The following CPLX2 variants were observed in gnomAD, a reference collection of about 807,000 sequenced individuals.
CPLX2 encodes complexin-2.
A neutral mutation model predicts 16.3 loss-of-function variants in CPLX2; 5 were observed. The ratio of observed to expected loss-of-function variants is 0.31; its 90% CI spans 0.16 to 0.64. The LOEUF (loss-of-function observed/expected upper bound fraction) is 0.64. CPLX2 is among the 30% of genes least tolerant of loss of function. The pLI is 0.79. For missense variants in CPLX2, 144 were observed against 181.4 expected (o/e 0.79, Z 1.18); for synonymous variants, 89 against 73.2 (o/e 1.22, Z -1.10).
intron 2 of CPLX2, among the ~76,000 whole-genome samples, chr5:175,850,511 T>G (rs1759131289): frequency 6.6e-6 from 1 of 152,152 alleles, no homozygotes; most frequent in Admixed American, 6.5e-5. Flanking sequence ...ACACCTGCAC[T>G]TCCTCGGAAC....
chr5:175,859,265 A>G (rs894517261), intron 2 of CPLX2, among the ~76,000 whole-genome samples: 5 of 152,276 alleles, frequency 3.3e-5, no homozygotes, highest in African/African-American at 1.2e-4. Flanking sequence ...TATGCAGTCC[A>G]AACACACTCT....
At chr5:175,804,723 C>T (rs1343602412) in intron 1 of CPLX2, among the ~76,000 whole-genome samples, 1 of 152,148 alleles carries the variant, frequency 6.6e-6, no homozygotes, top group African/African-American at 2.4e-5. Context: ...GATTGACACA[C>T]CCCGGTGATT....
chr5:175,830,441 C>T lies in CPLX2; in HGVS notation c.-89+21373C>T, dbSNP rs532365978. On this transcript the variant is annotated intron_variant, in intron 2 of 4. Coordinates refer to the CPLX2 transcript ENST00000359546. The surrounding 1 kb of genome is among the most constrained non-coding windows in gnomAD (Gnocchi z 4.0). The stretch of plus-strand genomic sequence containing the variant: ...GTCTCCTTCCCCGCCCCCGGAGGTG[C>T]GTGATGCCCCCACAGAGGAGAGTGA... Among the ~76,000 whole-genome samples the T allele has an allele frequency of 3.8e-4, 58 of 152,318 alleles. No individual in the cohort carries two copies. The highest frequency in any genetic ancestry group is 1.8e-4 in the Non-Finnish European group (12 of 68,014).
chr5:175,862,092 A>G (rs1305384003), intron 2 of CPLX2, among the ~76,000 whole-genome samples: 1 of 152,216 alleles, frequency 6.6e-6, no homozygotes, highest in African/African-American at 2.4e-5. Context: ...TGTTTGCTCA[A>G]GCAGTGCCCA....
At chr5:175,875,822 C>T (rs1366114) in intron 1 of CPLX2, among the ~76,000 whole-genome samples, 4,234 of 152,066 alleles carry the variant, frequency 0.028, 197 homozygotes, top group African/African-American at 0.097. Context: ...TGGGCAGACT[C>T]GGGAATTTCA....
intron 2 of CPLX2, among the ~76,000 whole-genome samples, chr5:175,843,643 G>A (rs1010753434): frequency 1.3e-5 from 2 of 152,246 alleles, no homozygotes; most frequent in Non-Finnish European, 2.9e-5. Flanking sequence ...CCTTGGGTCG[G>A]GGAGGCCACT....
At chr5:175,841,954 C>T (rs767293651) in intron 2 of CPLX2, among the ~76,000 whole-genome samples, 1 of 152,256 alleles carries the variant, frequency 6.6e-6, no homozygotes, top group Non-Finnish European at 1.5e-5. Flanking sequence ...GGACCCCACT[C>T]TCCTAGCACT....
chr5:175,815,249 C>G (rs932802410), intron 2 of CPLX2, among the ~76,000 whole-genome samples: 3 of 152,072 alleles, frequency 2.0e-5, no homozygotes, highest in Non-Finnish European at 4.4e-5. Flanking sequence ...GCTGGGGGCC[C>G]TAGGGGAAGG....
At chr5:175,864,252 A>G (rs1181326804) in intron 2 of CPLX2, among the ~76,000 whole-genome samples, 2 of 152,150 alleles carry the variant, frequency 1.3e-5, no homozygotes, top group African/African-American at 4.8e-5. Flanking sequence ...AATTAGTGAG[A>G]TTTAACTCCC....
intron 2 of CPLX2, among the ~76,000 whole-genome samples, chr5:175,828,787 T>C (rs78768079): frequency 0.013 from 1,984 of 152,270 alleles, 39 homozygotes; most frequent in African/African-American, 0.045. Context: ...ACTCAGGCAA[T>C]TTCTGCCCCG....
chr5:175,799,539 C>CATATATATATCTATAT lies in CPLX2; in HGVS notation c.-169+2765_-169+2766insCTATATATATATATAT, dbSNP rs1227041477. 6.9e-5 allele frequency among the ~76,000 whole-genome samples: 5 copies of CATATATATATCTATAT among 72,274 alleles called. 1 individual carries two copies. Among genetic ancestry groups the CATATATATATCTATAT allele is most frequent in the African/African-American group, 2.8e-4 (5 of 17,836 alleles). The allele number at this position is 72,274 out of a possible 152,430, so 47.4% of individuals were successfully genotyped here. On this transcript the variant is annotated intron_variant, in intron 1 of 4. Coordinates refer to the CPLX2 transcript ENST00000359546. ...ATCTTTGAGATCCCTTTGCAAATTT[C>CATATATATATCTATAT]ATATATATATATATATATATATATA...
intron 2 of CPLX2, among the ~76,000 whole-genome samples, chr5:175,860,579 G>C (rs1204912100): frequency 7.9e-6 from 1 of 127,134 alleles, no homozygotes; most frequent in Non-Finnish European, 1.7e-5. Context: ...GGGAGGGAGG[G>C]AGGGAGGGAA....
chr5:175,804,722 A>G (rs145371378), intron 1 of CPLX2, among the ~76,000 whole-genome samples: 12 of 152,218 alleles, frequency 7.9e-5, no homozygotes, highest in African/African-American at 2.9e-4. Context: ...TGATTGACAC[A>G]CCCCGGTGAT....
At chr5:175,840,357 TGGA>T (rs1349772925) in intron 2 of CPLX2, among the ~76,000 whole-genome samples, 1 of 152,202 alleles carries the variant, frequency 6.6e-6, no homozygotes, top group Non-Finnish European at 1.5e-5. Flanking sequence ...AAACAAGAGT[TGGA>T]GAAGTTTTAA....
At chr5:175,811,836 C>A (rs1307932682) in intron 2 of CPLX2, among the ~76,000 whole-genome samples, 1 of 152,208 alleles carries the variant, frequency 6.6e-6, no homozygotes, top group Non-Finnish European at 1.5e-5. Context: ...GGCTAAATGT[C>A]CCTTAGGAAT....
At chr5:175,847,109 G>A (rs1055664258) in intron 2 of CPLX2, among the ~76,000 whole-genome samples, 4 of 152,318 alleles carry the variant, frequency 2.6e-5, no homozygotes, top group East Asian at 3.9e-4. Context: ...ATAAAGAGGC[G>A]TGGGGCCAAG....
At chr5:175,799,891 G>T (rs1758060972) in intron 1 of CPLX2, among the ~76,000 whole-genome samples, 5 of 152,006 alleles carry the variant, frequency 3.3e-5, no homozygotes, top group Admixed American at 3.3e-4. Flanking sequence ...TCTGGCTGCT[G>T]TGTTAACCTC....
intron 1 of CPLX2, among the ~76,000 whole-genome samples, chr5:175,806,448 A>C (rs1486251831): frequency 1.3e-5 from 2 of 152,178 alleles, no homozygotes; most frequent in East Asian, 3.9e-4. Context: ...GACACACTGT[A>C]GCTTAAGGAT....
At chr5:175,818,635 A>G (rs1441517947) in intron 2 of CPLX2, among the ~76,000 whole-genome samples, 2 of 122,670 alleles carry the variant, frequency 1.6e-5, no homozygotes, top group African/African-American at 6.2e-5. Context: ...CTGCAAAAGG[A>G]GCTGCTGTCC....
Sources: allele counts gnomAD v4.1 joint callset (sites outside exome capture counted in the v4.1 genomes callset), GRCh38; gene constraint gnomAD v4.1.1; non-coding constraint Gnocchi (gnomAD v3.1); transcripts MANE v1.5; gene names NCBI Gene and HGNC (gene_info 2026-07-23, HGNC 2026-07-21).